PHF8: variants seen among roughly 807,000 people sequenced by gnomAD.
The protein encoded by PHF8 is PHD finger protein 8, also known as histone lysine demethylase PHF8.
In PHF8, 9 loss-of-function variants were observed where a neutral mutation model predicts 74.4. That is an observed-to-expected ratio of 0.12 (90% CI 0.07 to 0.21). PHF8 has a LOEUF of 0.21. Among genes scored for constraint, PHF8 ranks in the 10% least tolerant of loss-of-function variants. The pLI is 1.00. For synonymous variants in PHF8, 311 were observed against 316.6 expected, an observed-to-expected ratio of 0.98 and a Z score of 0.19; for missense variants, 478 against 816.6, an observed-to-expected ratio of 0.59 and a Z score of 5.05.
chrX:54,011,733 A>T (rs1426028228), intron 7 of PHF8, among the ~76,000 whole-genome samples: 3 of 111,115 alleles, frequency 2.7e-5, no homozygotes, highest in Non-Finnish European at 5.7e-5. Context: ...ATCAAAGCTA[A>T]TAAAAGTTTA....
chrX:53,976,209 G>A lies in PHF8; in HGVS notation c.2443+8705C>T, dbSNP rs181073929. 7.9e-4 allele frequency among the ~76,000 whole-genome samples: 87 copies of A among 109,958 alleles called. No homozygotes were observed. The South Asian group carries it at 0.03, about 37-fold the overall frequency. Reference sequence around the variant, plus strand: ...AATCCCAGCTACTCGGGAGGCTGAGGCAGGAGAACCACTTGAACCTGGGAG... The same window carrying A: ...AATCCCAGCTACTCGGGAGGCTGAGACAGGAGAACCACTTGAACCTGGGAG... On this transcript the variant is annotated intron_variant, in intron 18 of 21. Transcript: ENST00000338154.
intron 10 of PHF8, among the ~76,000 whole-genome samples, chrX:54,001,928 G>A (rs2065833429): frequency 9.0e-6 from 1 of 110,926 alleles, no homozygotes; most frequent in Non-Finnish European, 1.9e-5. Flanking sequence ...AAAAGAAGGG[G>A]CTCGGGGCTG....
intron 18 of PHF8, among the ~76,000 whole-genome samples, chrX:53,976,369 TA>T (rs2065376424): frequency 9.0e-6 from 1 of 110,536 alleles, no homozygotes; most frequent in Admixed American, 9.7e-5. Flanking sequence ...AGGTCTCAAA[TA>T]AATAATCTAA....
rs1182994973 is a variant in PHF8, at chrX:53,942,928, A to C, written c.2649+1206T>G. 3 of 750,782 alleles carry C rather than the reference A, an allele frequency of 4.0e-6. No individual in the cohort carries two copies. The African/African-American group carries it at 7.0e-5, about 17-fold the overall frequency. The allele number at this position is 750,782 out of a possible 1,213,427, so 61.9% of individuals were successfully genotyped here. On this transcript the variant is annotated intron_variant, in intron 20 of 21. Transcript: ENST00000338154. Reference sequence around the variant, plus strand: ...AGGTCAGGGAGATGACTAGAGACCAAATCAAGAGGACTTTAAGAGGGCTTT... The same window carrying C: ...AGGTCAGGGAGATGACTAGAGACCACATCAAGAGGACTTTAAGAGGGCTTT...
Position 54,044,391 on chromosome X carries a change from G to T in PHF8, c.-722C>A, listed in dbSNP as rs1557116904. The T allele has an allele frequency of 6.7e-6, 5 of 751,665 alleles. No homozygotes were observed. Among genetic ancestry groups the T allele is most frequent in the Non-Finnish European group, 4.7e-6 (3 of 637,215 alleles). 61.9% of individuals were successfully genotyped at this position (751,665 alleles called of 1,213,427 possible). On this transcript the variant is annotated 5_prime_UTR_variant, in exon 1 of 22. Coordinates refer to ENST00000338154, the MANE Select transcript of PHF8 (RefSeq NM_015107.3). The stretch of plus-strand genomic sequence containing the variant: ...GGCGGAGAGGGGAGGAGAAATACGG[G>T]ATAAACAGCTACCATGTTGAGAGTG...
intron 18 of PHF8, among the ~76,000 whole-genome samples, chrX:53,964,868 CAAAA>C (rs782274910): frequency 5.3e-5 from 2 of 37,774 alleles, no homozygotes; most frequent in African/African-American, 9.4e-5. Flanking sequence ...AACTCTGCCT[CAAAA>C]AAAAAAAAAA....
rs1557100172 is a variant in PHF8 at position 53,987,895 on chromosome X, T to C, written c.1780A>G (p.Lys594Glu). ...ATCAGCCTAGCCTTGTCTACCTTCT[T>C]TGCTATCTTGGTTCGCCGAGATTTG... is the stretch of plus-strand genomic sequence containing the variant. ...LSKSRRTKIA[K>E]KVDKARLMAE... The change falls in exon 15 of 22, where the codon AAG (lysine) becomes GAG (glutamate). Residue 594 changes from lysine to glutamate, a missense_variant. This residue lies in a region of PHF8 where 153 missense variants were observed against 164.8 expected (regional missense o/e 0.93). Transcript: ENST00000338154. 2 of 1,207,908 alleles carry C rather than the reference T, an allele frequency of 1.7e-6. No individual in the cohort carries two copies.
chrX:53,952,349 G>A (rs1346386857), intron 19 of PHF8, among the ~76,000 whole-genome samples: 1 of 109,750 alleles, frequency 9.1e-6, no homozygotes, highest in African/African-American at 3.3e-5. Flanking sequence ...CTAGACAATT[G>A]AGTCTACATG....
At chrX:53,957,762 G>A (rs1220253642) in intron 19 of PHF8, among the ~76,000 whole-genome samples, 1 of 111,535 alleles carries the variant, frequency 9.0e-6, no homozygotes, top group Non-Finnish European at 1.9e-5. Flanking sequence ...CTTGGGGAGA[G>A]GGAATGCTCA....
intron 18 of PHF8, among the ~76,000 whole-genome samples, chrX:53,969,861 A>G (rs1557094075): frequency 8.9e-6 from 1 of 112,194 alleles, no homozygotes; most frequent in Non-Finnish European, 1.9e-5. Flanking sequence ...CACCAAGAAC[A>G]TTCACTGGGG....
intron 2 of PHF8, 63 bp from the exon 3 acceptor site, chrX:54,022,906 T>C: frequency 1.6e-6 from 1 of 638,080 alleles, no homozygotes; most frequent in Admixed American, 2.5e-5. Context: ...TCTAGAACAG[T>C]GCTGTCCAGT....
In PHF8 at chrX:53,999,860, G is replaced by A. The variant is rs2065802699; in HGVS notation, c.1233+10C>T. ...AACTCCAGAGGAGGTAGAGAAATATGCATATTTACTTCTTTCCTTGTCCAG... is the reference window on the plus strand; with the variant it reads ...AACTCCAGAGGAGGTAGAGAAATATACATATTTACTTCTTTCCTTGTCCAG... On this transcript the variant is annotated intron_variant, in intron 11 of 21. Coordinates refer to ENST00000338154, the MANE Select transcript of PHF8 (RefSeq NM_015107.3). 2 of 1,097,259 alleles carry A rather than the reference G, an allele frequency of 1.8e-6. No individual in the cohort carries two copies. The highest frequency in any genetic ancestry group is 3.7e-5 in the South Asian group (2 of 54,007). The allele number at this position is 1,097,259 out of a possible 1,213,427, so 90.4% of individuals were successfully genotyped here.
chrX:53,990,993 T>C (rs781987500), intron 14 of PHF8, among the ~76,000 whole-genome samples: 19 of 111,751 alleles, frequency 1.7e-4, no homozygotes, highest in African/African-American at 5.2e-4. Flanking sequence ...GCAGGCCCTG[T>C]GGTTAACGTT....
At chrX:54,048,800 C>G (rs1182987090), upstream of PHF8, 3 of 112,521 alleles carry the variant, frequency 2.7e-5, no homozygotes, top group Non-Finnish European at 3.7e-5. Flanking sequence ...TTTAATAACA[C>G]AGATTCAGTT....
chrX:54,009,838 G>A (rs2065951696), intron 8 of PHF8, among the ~76,000 whole-genome samples: 4 of 39,769 alleles, frequency 1.0e-4, no homozygotes, highest in Non-Finnish European at 1.2e-4. Context: ...GTGAGACTCT[G>A]TCTCAGAAAA....
intron 2 of PHF8, among the ~76,000 whole-genome samples, chrX:54,034,092 A>G (rs1345602660): frequency 6.2e-5 from 7 of 112,165 alleles, no homozygotes; most frequent in Non-Finnish European, 1.3e-4. Context: ...AAAACAGAGA[A>G]AAGAATCAGT....
intron 19 of PHF8, among the ~76,000 whole-genome samples, chrX:53,944,851 G>A (rs1189550654): frequency 1.8e-5 from 2 of 110,824 alleles, no homozygotes; most frequent in Non-Finnish European, 3.8e-5. Context: ...CGAAAACTTC[G>A]TCTCTACTAA....
At position 53,995,592 on chromosome X, in the gene PHF8, C is replaced by A. The variant is rs782530785; in HGVS notation, c.1323+101G>T. The A allele has an allele frequency of 5.5e-6, 3 of 542,830 alleles. No individual in the cohort carries two copies. The South Asian group carries it at 7.3e-5, about 13-fold the overall frequency. The allele number at this position is 542,830 out of a possible 1,213,427, so 44.7% of individuals were successfully genotyped here. A position where few individuals can be genotyped will look rare whatever the true frequency, so the allele number is the denominator to read the frequency against. On this transcript the variant is annotated intron_variant, in intron 12 of 21. Coordinates refer to ENST00000338154, the MANE Select transcript of PHF8 (RefSeq NM_015107.3). The stretch of plus-strand genomic sequence containing the variant: ...TGGGTCTTTGGTAGGGTCTTCCCGA[C>A]CCTTCCCCTGGGCTCTCATGCTAAC...
chrX:54,020,318 C>T (rs1036088902), intron 4 of PHF8, among the ~76,000 whole-genome samples: 4 of 112,229 alleles, frequency 3.6e-5, no homozygotes, highest in African/African-American at 9.7e-5. Flanking sequence ...TAACTGGCAA[C>T]GTATGCAAAA....
Sources: gnomAD v4.1 joint callset for allele counts (sites outside exome capture counted in the v4.1 genomes callset) on GRCh38, gnomAD v4.1.1 for gene constraint, gnomAD v4.1.1 regional missense constraint, MANE v1.5 for transcripts, NCBI Gene and HGNC (gene_info 2026-07-23, HGNC 2026-07-21) for gene names.